The following DOK6 variants were observed in gnomAD, a reference collection of about 807,000 sequenced individuals.
DOK6 encodes downstream of tyrosine kinase 6.
DOK6 carries 22 observed loss-of-function variants against 44.0 expected under a neutral mutation model. The observed-to-expected ratio is 0.50, with a 90% CI of 0.36 to 0.71. DOK6 has a LOEUF of 0.71. Among genes scored for constraint, DOK6 ranks in the 30% least tolerant of loss-of-function variants. The pLI, the probability that DOK6 is intolerant of heterozygous loss-of-function variation, is 0.00. For synonymous variants in DOK6, 166 were observed against 145.5 expected, an observed-to-expected ratio of 1.14 and a Z score of -1.01; for missense variants, 340 against 416.4, an observed-to-expected ratio of 0.82 and a Z score of 1.60.
At chr18:69,499,688 C>T (rs1980995192) in intron 1 of DOK6, among the ~76,000 whole-genome samples, 1 of 152,138 alleles carries the variant, frequency 6.6e-6, no homozygotes, top group African/African-American at 2.4e-5. Context: ...ATTCTTTGGT[C>T]CTAGCCTACT....
chr18:69,626,032 T>C (rs1984549931), intron 3 of DOK6, among the ~76,000 whole-genome samples: 1 of 152,172 alleles, frequency 6.6e-6, no homozygotes, highest in African/African-American at 2.4e-5. Flanking sequence ...CCAAGATGCA[T>C]CTGACACCCT....
intron 7 of DOK6, among the ~76,000 whole-genome samples, chr18:69,782,814 T>A (rs1980317188): frequency 6.6e-6 from 1 of 152,036 alleles, no homozygotes; most frequent in African/African-American, 2.4e-5. Flanking sequence ...TAAAAACATA[T>A]CAAAACAGGT....
intron 1 of DOK6, among the ~76,000 whole-genome samples, chr18:69,484,820 T>C (rs1599153313): frequency 6.6e-6 from 1 of 152,116 alleles, no homozygotes; most frequent in East Asian, 1.9e-4. Context: ...GCACTGTGCT[T>C]AGAAGTTATT....
intron 3 of DOK6, among the ~76,000 whole-genome samples, chr18:69,641,960 A>G (rs4325666): frequency 0.86 from 131,635 of 152,252 alleles, 57,665 homozygotes; most frequent in East Asian, 0.95. Flanking sequence ...TTTTTATTTC[A>G]TTAGGGGCAT....
chr18:69,712,266 G>C (rs1336834820), intron 5 of DOK6, among the ~76,000 whole-genome samples: 74 of 103,446 alleles, frequency 7.2e-4, no homozygotes, highest in Non-Finnish European at 3.6e-4. Flanking sequence ...GGGCGACAGA[G>C]CGAGACTCCG....
At position 69,515,802 on chromosome 18, in the gene DOK6, A is replaced by C. The variant is rs1644815712; in HGVS notation, c.67-48685A>C. Among the ~76,000 whole-genome samples the C allele has an allele frequency of 2.0e-5, 3 of 152,354 alleles. No homozygotes were observed. In the South Asian group the frequency reaches 6.2e-4, roughly 32 times the overall value. On this transcript the variant is annotated intron_variant, in intron 1 of 7. Transcript: ENST00000382713. The stretch of plus-strand genomic sequence containing the variant: ...GTAACACTAACTTCATAGAATAACA[A>C]TATATACATACATGTACACACAGTG...
chr18:69,726,523 C>T (rs981993220), intron 5 of DOK6, among the ~76,000 whole-genome samples: 1 of 152,038 alleles, frequency 6.6e-6, no homozygotes, highest in Non-Finnish European at 1.5e-5. Flanking sequence ...GTATGCCTTG[C>T]CCTGGTGACC....
chr18:69,566,139 ATTTATTTACTTAT>A (rs1355556933), intron 2 of DOK6, among the ~76,000 whole-genome samples: 3 of 151,464 alleles, frequency 2.0e-5, no homozygotes, highest in Non-Finnish European at 4.4e-5. Context: ...TTATTTATTT[ATTTATTTACTTAT>A]TTATAGACGG....
intron 1 of DOK6, among the ~76,000 whole-genome samples, chr18:69,487,986 C>T (rs1980630815): frequency 6.6e-6 from 1 of 152,148 alleles, no homozygotes; most frequent in Non-Finnish European, 1.5e-5. Context: ...TGGTAAAATG[C>T]CATGGACTGG....
intron 6 of DOK6, among the ~76,000 whole-genome samples, chr18:69,752,667 A>G (rs1292943551): frequency 6.6e-6 from 1 of 152,210 alleles, no homozygotes; most frequent in East Asian, 1.9e-4. Flanking sequence ...CAAAAGCAGG[A>G]AAGATGCTAC....
At chr18:69,487,186 TGTGTGTGTG>T (rs1980603582) in intron 1 of DOK6, among the ~76,000 whole-genome samples, 1 of 77,328 alleles carries the variant, frequency 1.3e-5, no homozygotes, top group Non-Finnish European at 3.0e-5. Flanking sequence ...TATGTGTGTG[TGTGTGTGTG>T]TGTGTGTGTG....
chr18:69,550,971 A>G (rs1377236649), intron 1 of DOK6, among the ~76,000 whole-genome samples: 2 of 150,426 alleles, frequency 1.3e-5, no homozygotes, highest in Non-Finnish European at 3.0e-5. Context: ...TTTAGTAGAG[A>G]CAGGATTTCA....
intron 1 of DOK6, among the ~76,000 whole-genome samples, chr18:69,548,200 G>A (rs1982461753): frequency 1.3e-5 from 2 of 150,924 alleles, no homozygotes; most frequent in African/African-American, 2.4e-5. Context: ...TGATCCACCC[G>A]CCTTGGCCTC....
intron 7 of DOK6, chr18:69,778,053 T>G (rs2144773023): frequency 6.6e-6 from 1 of 152,200 alleles, no homozygotes; most frequent in Middle Eastern, 3.4e-3. Flanking sequence ...TATAAGCACT[T>G]AGAAATCCAA....
At chr18:69,762,214 C>T (rs560863091) in intron 7 of DOK6, among the ~76,000 whole-genome samples, 2 of 152,126 alleles carry the variant, frequency 1.3e-5, no homozygotes, top group South Asian at 2.1e-4. Flanking sequence ...TGATGGCACA[C>T]GCCTGTAGTC....
intron 7 of DOK6, among the ~76,000 whole-genome samples, chr18:69,810,337 A>G (rs1981185729): frequency 6.6e-6 from 1 of 152,068 alleles, no homozygotes; most frequent in South Asian, 2.1e-4. Context: ...AATGAAATGT[A>G]AGACCTAGAA....
chr18:69,773,418 T>C (rs1214436768), intron 7 of DOK6, among the ~76,000 whole-genome samples: 1 of 151,928 alleles, frequency 6.6e-6, no homozygotes, highest in African/African-American at 2.4e-5. Flanking sequence ...GTATTCACAA[T>C]AGCCAAGATA....
chr18:69,617,500 GAAAGAGAAAGAAAGAAA>G (rs1471942092), intron 3 of DOK6, among the ~76,000 whole-genome samples: 46 of 103,894 alleles, frequency 4.4e-4, no homozygotes, highest in African/African-American at 7.1e-4. Flanking sequence ...AAGAAAGAAA[GAAAGAGAAAGAAAGAAA>G]AGAAAGAAAG....
intron 3 of DOK6, among the ~76,000 whole-genome samples, chr18:69,639,123 G>A (rs1210222832): frequency 6.6e-6 from 1 of 152,140 alleles, no homozygotes; most frequent in Non-Finnish European, 1.5e-5. Context: ...GCAAATAAAA[G>A]AGGCATAATA....
Sources: allele counts gnomAD v4.1 joint callset (sites outside exome capture counted in the v4.1 genomes callset), GRCh38; gene constraint gnomAD v4.1.1; transcripts MANE v1.5; gene names NCBI Gene and HGNC (gene_info 2026-07-23, HGNC 2026-07-21).